The following KANK1 variants were observed in gnomAD, a reference collection of about 807,000 sequenced individuals.
The protein encoded by KANK1 is KN motif and ankyrin repeat domains 1.
In KANK1, 109 loss-of-function variants were observed where a neutral mutation model predicts 106.2. The ratio of observed to expected loss-of-function variants is 1.03; its 90% CI spans 0.88 to 1.20. The LOEUF (loss-of-function observed/expected upper bound fraction) is 1.20, where lower values mean the gene tolerates loss of function less well. KANK1 is among the 50% of genes most tolerant of loss of function. The pLI is 0.00. For missense variants in KANK1, 2,399 were observed against 1,710.7 expected (o/e 1.40, Z -7.10); for synonymous variants, 873 against 652.2 (o/e 1.34, Z -5.16).
chr9:689,823 C>G (rs1217296046), intron 2 of KANK1, among the ~76,000 whole-genome samples: 1 of 151,992 alleles, frequency 6.6e-6, no homozygotes, highest in East Asian at 1.9e-4. Flanking sequence ...AGGCCCTCAG[C>G]GTGGGGTAGC....
chr9:653,070 C>T (rs1260312295), intron 1 of KANK1, among the ~76,000 whole-genome samples: 1 of 152,176 alleles, frequency 6.6e-6, no homozygotes, highest in Non-Finnish European at 1.5e-5. Context: ...TACACAGCAT[C>T]CCATATGGCC....
chr9:579,231 C>G (rs542956724), intron 1 of KANK1, among the ~76,000 whole-genome samples: 17 of 152,214 alleles, frequency 1.1e-4, no homozygotes, highest in African/African-American at 4.1e-4. Context: ...TCCCTCTGCC[C>G]CCAGTGTGGG....
At chr9:516,430 A>G (rs1364499001) in intron 1 of KANK1, among the ~76,000 whole-genome samples, 1 of 151,694 alleles carries the variant, frequency 6.6e-6, no homozygotes, top group African/African-American at 2.4e-5. Flanking sequence ...ATAACTGCTG[A>G]TGAAAGTTGT....
chr9:732,646 C>T (rs1274931010), intron 6 of KANK1, 29 bp downstream of exon 6: 21 of 1,603,590 alleles, frequency 1.3e-5, no homozygotes, highest in Non-Finnish European at 1.7e-5. Flanking sequence ...CCCTCCCTTG[C>T]CCCTCCCACA....
At chr9:528,139 GAA>G (rs77736906) in intron 1 of KANK1, among the ~76,000 whole-genome samples, 4 of 125,858 alleles carry the variant, frequency 3.2e-5, no homozygotes, top group Non-Finnish European at 1.7e-5. Context: ...TCCGTCTCGG[GAA>G]AAAAAAAAAA....
At chr9:580,932 G>C (rs887712269) in intron 1 of KANK1, among the ~76,000 whole-genome samples, 1 of 152,220 alleles carries the variant, frequency 6.6e-6, no homozygotes, top group African/African-American at 2.4e-5. Flanking sequence ...AGGCAGCTGA[G>C]GCCTGGTGAG....
At chr9:537,962 CACA>C (rs1341135177) in intron 1 of KANK1, among the ~76,000 whole-genome samples, 2 of 152,180 alleles carry the variant, frequency 1.3e-5, no homozygotes, top group African/African-American at 4.8e-5. Flanking sequence ...TCTCACTCAA[CACA>C]ACAAGTTGCC....
intron 1 of KANK1, among the ~76,000 whole-genome samples, chr9:529,270 C>A (rs998306650): frequency 6.6e-6 from 1 of 151,328 alleles, no homozygotes; most frequent in Non-Finnish European, 1.5e-5. Context: ...CACACACACA[C>A]AGACACACAC....
rs998329100 is a variant in KANK1 at position 518,133 on chromosome 9, A to G, written c.-84+13379A>G. 2.2e-4 allele frequency among the ~76,000 whole-genome samples: 33 copies of G among 151,806 alleles called. 1 individual carries two copies. Among genetic ancestry groups the G allele is most frequent in the African/African-American group, 7.8e-4 (32 of 41,036 alleles). On this transcript the variant is annotated intron_variant, in intron 1 of 11. Transcript: ENST00000382297. ...ACTCTTTCCTGCTCTGTCAACTTTG[A>G]TAGCAAAAGGAGGAAACACTGCTAA...
chr9:626,940 C>A lies in KANK1; in HGVS notation c.-83-49950C>A, dbSNP rs114400856. Reference sequence around the variant, plus strand: ...TGTTTTACACTGGTGTACATCGGTGCTTCTCAGTCTCTTCACATTCTAACT... The same window carrying A: ...TGTTTTACACTGGTGTACATCGGTGATTCTCAGTCTCTTCACATTCTAACT... On this transcript the variant is annotated intron_variant, in intron 1 of 11. Transcript: ENST00000382297. 9.9e-3 allele frequency among the ~76,000 whole-genome samples: 1,514 copies of A among 152,278 alleles called. 32 individuals carry two copies. The highest frequency in any genetic ancestry group is 0.034 in the African/African-American group (1,422 of 41,540).
At chr9:617,761 G>T (rs1303245179) in intron 1 of KANK1, among the ~76,000 whole-genome samples, 1 of 152,228 alleles carries the variant, frequency 6.6e-6, no homozygotes, top group Non-Finnish European at 1.5e-5. Flanking sequence ...TTTGTGACGC[G>T]TGCATGTGCA....
chr9:608,229 G>A (rs1027605941), intron 1 of KANK1, among the ~76,000 whole-genome samples: 1 of 150,138 alleles, frequency 6.7e-6, no homozygotes, highest in Non-Finnish European at 1.5e-5. Flanking sequence ...AGTAGAGACG[G>A]GGTTTCACCT....
intron 3 of KANK1, among the ~76,000 whole-genome samples, chr9:715,880 T>A (rs1254046642): frequency 5.3e-5 from 8 of 152,208 alleles, no homozygotes; most frequent in Admixed American, 5.2e-4. Context: ...GACTGAAAAT[T>A]AAAGCAACTT....
intron 1 of KANK1, among the ~76,000 whole-genome samples, chr9:646,230 T>C (rs180971948): frequency 1.5e-4 from 22 of 151,036 alleles, no homozygotes; most frequent in Admixed American, 3.9e-4. Flanking sequence ...TGGTGGCCCA[T>C]GCCTGTAATC....
chr9:480,668 G>C (rs2058187434), intron 3 of KANK1, among the ~76,000 whole-genome samples: 1 of 152,200 alleles, frequency 6.6e-6, no homozygotes, highest in South Asian at 2.1e-4. Context: ...ATTTTCGTCA[G>C]CTTTCCACCA....
At chr9:551,598 T>C (rs1246518716) in intron 1 of KANK1, among the ~76,000 whole-genome samples, 1 of 152,176 alleles carries the variant, frequency 6.6e-6, no homozygotes, top group Non-Finnish European at 1.5e-5. Context: ...CCGTTTATAA[T>C]GGTTACTCTC....
At position 713,114 on chromosome 9, in the gene KANK1, C is replaced by T. The variant is rs1163704220; in HGVS notation, c.2348C>T (p.Pro783Leu). 2 of 1,606,634 alleles carry T rather than the reference C, an allele frequency of 1.2e-6. No individual in the cohort carries two copies. The highest frequency in any genetic ancestry group is 1.1e-5 in the South Asian group (1 of 90,062). Residue 783 changes from proline to leucine, a missense_variant, in exon 3 of 12, where the codon CCA (proline) becomes CTA (leucine). Transcript: ENST00000382297. ...GLKMRTIACG[P>L]PQLTVGLTAS... ...AAAATGAGGACTATAGCTTGTGGGCCACCACAGTTGACTGTGGGGCTGACA... is the reference window on the plus strand; with the variant it reads ...AAAATGAGGACTATAGCTTGTGGGCTACCACAGTTGACTGTGGGGCTGACA...
chr9:510,602 T>G (rs1349756195), intron 1 of KANK1, among the ~76,000 whole-genome samples: 3 of 152,176 alleles, frequency 2.0e-5, no homozygotes, highest in African/African-American at 2.4e-5. Context: ...AGGAGAGAGA[T>G]CAGCGGTGCA....
chr9:715,515 C>G (rs1426024233), intron 3 of KANK1, among the ~76,000 whole-genome samples: 2 of 152,134 alleles, frequency 1.3e-5, no homozygotes, highest in Admixed American at 1.3e-4. Context: ...AGCACGGAGA[C>G]CAGGGAGCAA....
Sources: gnomAD v4.1 joint callset for allele counts (sites outside exome capture counted in the v4.1 genomes callset) on GRCh38, gnomAD v4.1.1 for gene constraint, MANE v1.5 for transcripts, NCBI Gene and HGNC (gene_info 2026-07-23, HGNC 2026-07-21) for gene names.